The following SAMTOR variants were observed in gnomAD, a reference collection of about 807,000 sequenced individuals.
The protein encoded by SAMTOR is UPF0532 protein C7orf60.
chr7:112,893,766 G>C, the SAMTOR span, among the ~76,000 whole-genome samples: 1 of 152,230 alleles, frequency 6.6e-6, no homozygotes, highest in African/African-American at 2.4e-5. Flanking sequence ...GCTTGGCACA[G>C]TGGCACGCAC....
chr7:112,911,882 T>C, the SAMTOR span, among the ~76,000 whole-genome samples: 6 of 151,816 alleles, frequency 4.0e-5, no homozygotes, highest in African/African-American at 7.2e-5. Context: ...GAACCAACAA[T>C]TGCAAAATGC....
At chr7:112,903,654 G>T in the SAMTOR span, among the ~76,000 whole-genome samples, 2 of 152,106 alleles carry the variant, frequency 1.3e-5, no homozygotes, top group African/African-American at 4.8e-5. Flanking sequence ...CTCTCAAAAG[G>T]TTCAGCAGAG....
the SAMTOR span, chr7:112,820,044 T>C: frequency 6.6e-6 from 1 of 152,478 alleles, no homozygotes; most frequent in African/African-American, 2.4e-5. Context: ...TTAAAGAATC[T>C]TATGCTGTTG....
At chr7:112,869,304 G>C in the SAMTOR span, among the ~76,000 whole-genome samples, 1 of 152,116 alleles carries the variant, frequency 6.6e-6, no homozygotes, top group Non-Finnish European at 1.5e-5. Context: ...CTGAAGACCA[G>C]TGGCACTGGC....
At chr7:112,923,675 C>CA in the SAMTOR span, among the ~76,000 whole-genome samples, 4 of 151,912 alleles carry the variant, frequency 2.6e-5, no homozygotes, top group African/African-American at 9.7e-5. Context: ...CCATTTGACC[C>CA]AGCCATCCCA....
the SAMTOR span, among the ~76,000 whole-genome samples, chr7:112,901,123 A>G: frequency 2.6e-5 from 4 of 152,232 alleles, no homozygotes; most frequent in Admixed American, 6.5e-5. Flanking sequence ...CTGAGAAAAT[A>G]TTTGCAAATC....
the SAMTOR span, among the ~76,000 whole-genome samples, chr7:112,918,843 GAC>G: frequency 6.6e-6 from 1 of 152,226 alleles, no homozygotes; most frequent in East Asian, 1.9e-4. Flanking sequence ...GATCAAAAGA[GAC>G]AAAGAAGGCC....
At chr7:112,935,251 G>A in the SAMTOR span, 9 of 446,656 alleles carry the variant, frequency 2.0e-5, no homozygotes, top group Admixed American at 1.5e-4. Context: ...TAAAGCAGCT[G>A]TGTTTAAAGC....
the SAMTOR span, among the ~76,000 whole-genome samples, chr7:112,879,049 T>G: frequency 6.6e-6 from 1 of 151,712 alleles, no homozygotes; most frequent in Non-Finnish European, 1.5e-5. Flanking sequence ...GGCTTGGATA[T>G]GTGTATGGAT....
chr7:112,819,281 T>C, the SAMTOR span: 4 of 152,730 alleles, frequency 2.6e-5, no homozygotes, highest in East Asian at 3.9e-4. Flanking sequence ...CATGATCTAG[T>C]CATGATACTG....
At chr7:112,874,699 C>A in the SAMTOR span, among the ~76,000 whole-genome samples, 1 of 152,080 alleles carries the variant, frequency 6.6e-6, no homozygotes, top group African/African-American at 2.4e-5. Flanking sequence ...CCATCTGTAA[C>A]TTTACATATA....
chr7:112,843,802 C>A, the SAMTOR span, among the ~76,000 whole-genome samples: 1 of 151,978 alleles, frequency 6.6e-6, no homozygotes, highest in Non-Finnish European at 1.5e-5. Flanking sequence ...ATGAAGCCAG[C>A]ATCATTCTGA....
the SAMTOR span, among the ~76,000 whole-genome samples, chr7:112,842,365 A>G: frequency 6.6e-6 from 1 of 152,048 alleles, no homozygotes; most frequent in East Asian, 1.9e-4. Context: ...CTGTTTGGAG[A>G]TTCAATTCTA....
chr7:112,829,460 T>C, the SAMTOR span, among the ~76,000 whole-genome samples: 1 of 152,198 alleles, frequency 6.6e-6, no homozygotes, highest in Non-Finnish European at 1.5e-5. Flanking sequence ...AAACTGGTAT[T>C]ATCTCTATTT....
the SAMTOR span, among the ~76,000 whole-genome samples, chr7:112,852,685 T>A: frequency 6.6e-6 from 1 of 152,154 alleles, no homozygotes; most frequent in African/African-American, 2.4e-5. Flanking sequence ...AGTTTTTCTA[T>A]ATCAACTTGC....
At chr7:112,828,579 A>C in the SAMTOR span, among the ~76,000 whole-genome samples, 2 of 152,224 alleles carry the variant, frequency 1.3e-5, no homozygotes, top group African/African-American at 4.8e-5. Flanking sequence ...AAATAAAGTC[A>C]CATCTTTAGA....
chr7:112,912,364 T>A, the SAMTOR span, among the ~76,000 whole-genome samples: 1 of 152,086 alleles, frequency 6.6e-6, no homozygotes, highest in African/African-American at 2.4e-5. Flanking sequence ...TGGCTTTTAA[T>A]GATTCATATT....
the SAMTOR span, among the ~76,000 whole-genome samples, chr7:112,922,035 C>T: frequency 4.6e-5 from 7 of 152,206 alleles, no homozygotes; most frequent in East Asian, 1.9e-4. Context: ...GCTGCCATCT[C>T]GGCTCACTGC....
At chr7:112,839,839 A>G in the SAMTOR span, among the ~76,000 whole-genome samples, 1 of 151,868 alleles carries the variant, frequency 6.6e-6, no homozygotes, top group Non-Finnish European at 1.5e-5. Flanking sequence ...AAAAATTGTT[A>G]TATTTTCCTA....
Sources: gnomAD v4.1 joint callset for allele counts (sites outside exome capture counted in the v4.1 genomes callset) on GRCh38, gnomAD v4.1.1 for gene constraint, MANE v1.5 for transcripts, NCBI Gene and HGNC (gene_info 2026-07-23, HGNC 2026-07-21) for gene names.